Variants in DOCK2 observed in about 807,000 individuals in gnomAD.
DOCK2 encodes dedicator of cytokinesis protein 2.
A neutral mutation model predicts 248.9 loss-of-function variants in DOCK2; 87 were observed. That is an observed-to-expected ratio of 0.35 (90% CI 0.29 to 0.42). The LOEUF is 0.42. Ranked by LOEUF, DOCK2 falls within the 10% of genes least tolerant of loss-of-function variation. The pLI, the probability that DOCK2 is intolerant of heterozygous loss-of-function variation, is 1.00. For missense variants in DOCK2, 1,747 were observed against 2,300.2 expected (o/e 0.76, Z 4.92); for synonymous variants, 805 against 821.6 (o/e 0.98, Z 0.35).
At chr5:170,006,395 C>T (rs1208869463) in intron 30 of DOCK2, among the ~76,000 whole-genome samples, 1 of 152,182 alleles carries the variant, frequency 6.6e-6, no homozygotes, top group African/African-American at 2.4e-5. Context: ...TCACTGCAGC[C>T]TCCGCCTCCT....
chr5:169,955,003 G>A (rs1341016698), intron 27 of DOCK2, among the ~76,000 whole-genome samples: 2 of 152,218 alleles, frequency 1.3e-5, no homozygotes, highest in African/African-American at 4.8e-5. Flanking sequence ...ACCTCCATGA[G>A]GAAGGCTCAA....
chr5:170,022,017 G>T (rs898563505), intron 33 of DOCK2, among the ~76,000 whole-genome samples: 1 of 152,208 alleles, frequency 6.6e-6, no homozygotes, highest in African/African-American at 2.4e-5. Context: ...TAAAATGTGG[G>T]TTGCTTAAGG....
intron 22 of DOCK2, among the ~76,000 whole-genome samples, chr5:169,734,604 A>T (rs1321751077): frequency 6.6e-6 from 1 of 152,250 alleles, no homozygotes; most frequent in African/African-American, 2.4e-5. Context: ...AGCAAGGAAC[A>T]TGAATTGGAA....
At chr5:169,945,048 G>GTGTTCTT (rs1405991373) in intron 27 of DOCK2, among the ~76,000 whole-genome samples, 22 of 152,234 alleles carry the variant, frequency 1.4e-4, no homozygotes, top group African/African-American at 4.1e-4. Flanking sequence ...TTCTTAGCAT[G>GTGTTCTT]ACCAGGACAA....
intron 22 of DOCK2, among the ~76,000 whole-genome samples, chr5:169,739,251 G>T (rs1763190852): frequency 6.6e-6 from 1 of 152,182 alleles, no homozygotes; most frequent in Non-Finnish European, 1.5e-5. Context: ...GTCTCTAGCT[G>T]CAGTTTATGC....
chr5:169,716,435 TG>T lies in DOCK2; in HGVS notation c.2031+135del, dbSNP rs1428000072. ...AATTCTTTGGAGGTGTTGTAATGTT[TG>T]GCAACAAGACCAATAATGAGCTGCT... is the stretch of plus-strand genomic sequence containing the variant. On this transcript the variant is annotated intron_variant, in intron 20 of 51. Coordinates refer to ENST00000520908, the MANE Select transcript of DOCK2 (RefSeq NM_004946.3). 6.1e-6 allele frequency: 5 copies of T among 823,192 alleles called. No homozygotes were observed. The East Asian group carries it at 1.4e-4, about 22-fold the overall frequency. 51.0% of individuals were successfully genotyped at this position (823,192 alleles called of 1,614,324 possible). A position where few individuals can be genotyped will look rare whatever the true frequency, so the allele number is the denominator to read the frequency against.
At chr5:169,824,927 G>GA (rs1221207531) in intron 26 of DOCK2, among the ~76,000 whole-genome samples, 1 of 151,742 alleles carries the variant, frequency 6.6e-6, no homozygotes, top group African/African-American at 2.4e-5. Flanking sequence ...AAATTTACAA[G>GA]AAAAAAACAA....
At position 169,993,549 on chromosome 5, in the gene DOCK2, T is replaced by TTGTGTGTGTGTGTGTGTG. The variant is rs10626609; in HGVS notation, c.2994-2527_2994-2510dup. On this transcript the variant is annotated intron_variant, in intron 29 of 51. Coordinates refer to ENST00000520908, the MANE Select transcript of DOCK2 (RefSeq NM_004946.3). ...TAACAAAGCCAGAAATCACATCCAT[T>TTGTGTGTGTGTGTGTGTG]TGTGTGTGTGTGTGTGTGTGTGTGT... 2.4e-3 allele frequency among the ~76,000 whole-genome samples: 366 copies of TTGTGTGTGTGTGTGTGTG among 149,470 alleles called. 2 individuals carry two copies. The highest frequency in any genetic ancestry group is 7.0e-3 in the African/African-American group (282 of 40,570).
At position 169,920,459 on chromosome 5, in the gene DOCK2, T is replaced by C. The variant is rs1775113423; in HGVS notation, c.2800-62609T>C. On this transcript the variant is annotated intron_variant, in intron 27 of 51. Coordinates refer to ENST00000520908, the MANE Select transcript of DOCK2 (RefSeq NM_004946.3). ...GGCAAAGTTTGTAAGGTGGTTTTTT[T>C]CCCTTCCTTTTTGGCTCAACAGTTT... Among the ~76,000 whole-genome samples the C allele has an allele frequency of 2.0e-5, 3 of 152,312 alleles. No homozygotes were observed. The South Asian group carries it at 6.2e-4, about 32-fold the overall frequency.
chr5:169,815,285 A>G (rs1402621924), intron 26 of DOCK2, among the ~76,000 whole-genome samples: 1 of 152,248 alleles, frequency 6.6e-6, no homozygotes, highest in Non-Finnish European at 1.5e-5. Flanking sequence ...TTTTGCTCAC[A>G]GTTGACTAGA....
intron 27 of DOCK2, among the ~76,000 whole-genome samples, chr5:169,960,478 C>T (rs1355285570): frequency 6.6e-6 from 1 of 152,134 alleles, no homozygotes; most frequent in African/African-American, 2.4e-5. Flanking sequence ...GCTCAAATCT[C>T]ATATACTCAA....
At chr5:170,030,077 T>G (rs115216938) in intron 34 of DOCK2, among the ~76,000 whole-genome samples, 2 of 152,214 alleles carry the variant, frequency 1.3e-5, no homozygotes, top group African/African-American at 4.8e-5. Context: ...GTGTTTATCT[T>G]AAAGTTCTAA....
chr5:169,742,520 C>G (rs559945424), intron 22 of DOCK2, among the ~76,000 whole-genome samples: 10 of 152,200 alleles, frequency 6.6e-5, no homozygotes, highest in Admixed American at 5.9e-4. Context: ...GGGATGGATG[C>G]CTATAAATGT....
rs539223418 is a variant in DOCK2, at chr5:169,785,737, A to T, written c.2555-17321A>T. 2.1e-4 allele frequency among the ~76,000 whole-genome samples: 32 copies of T among 152,322 alleles called. No individual in the cohort carries two copies. The South Asian group carries it at 6.6e-3, about 32-fold the overall frequency. On this transcript the variant is annotated intron_variant, in intron 25 of 51. Coordinates refer to ENST00000520908, the MANE Select transcript of DOCK2 (RefSeq NM_004946.3). The stretch of plus-strand genomic sequence containing the variant: ...CTGAAGACCCATTATGGTTTGGCTA[A>T]GATGAGCTTGCCTTTCCTAAATGCC...
chr5:169,712,755 A>G (rs1345746345), intron 17 of DOCK2, among the ~76,000 whole-genome samples: 1 of 152,264 alleles, frequency 6.6e-6, no homozygotes, highest in Non-Finnish European at 1.5e-5. Context: ...TGACCCATGA[A>G]AAATGGCCAT....
At chr5:169,970,411 T>C (rs1050733148) in intron 27 of DOCK2, among the ~76,000 whole-genome samples, 2 of 152,182 alleles carry the variant, frequency 1.3e-5, no homozygotes, top group Non-Finnish European at 2.9e-5. Flanking sequence ...CTGGCTGAAA[T>C]AAGGCTGGGA....
chr5:169,881,936 C>G (rs1772677715), intron 27 of DOCK2, among the ~76,000 whole-genome samples: 1 of 152,218 alleles, frequency 6.6e-6, no homozygotes, highest in Non-Finnish European at 1.5e-5. Context: ...AAACAAATAA[C>G]TGCCTTTTCC....
Position 169,901,676 on chromosome 5 carries a change from G to C in DOCK2, c.2799+60824G>C, listed in dbSNP as rs1166092969. ...GAGTATTACATTAGTTAGAGTTGAA[G>C]TGTGAGGCGGAAAGATGTAGAGAAA... On this transcript the variant is annotated intron_variant, in intron 27 of 51. Coordinates refer to ENST00000520908, the MANE Select transcript of DOCK2 (RefSeq NM_004946.3). 2.6e-5 allele frequency among the ~76,000 whole-genome samples: 4 copies of C among 152,296 alleles called. No individual in the cohort carries two copies. The East Asian group carries it at 7.7e-4, about 29-fold the overall frequency.
chr5:169,702,755 T>C, intron 14 of DOCK2: 1 of 173,728 alleles, frequency 5.8e-6, no homozygotes, highest in Non-Finnish European at 1.2e-5. Flanking sequence ...CTTTCTGCAG[T>C]TAAAATGTTC....
Sources: allele counts gnomAD v4.1 joint callset (sites outside exome capture counted in the v4.1 genomes callset), GRCh38; gene constraint gnomAD v4.1.1; transcripts MANE v1.5; gene names NCBI Gene and HGNC (gene_info 2026-07-23, HGNC 2026-07-21).